Variants in PSME3 observed in about 807,000 individuals in gnomAD.
PSME3 encodes the protein proteasome activator subunit 3.
A neutral mutation model predicts 38.3 loss-of-function variants in PSME3; 7 were observed. The ratio of observed to expected loss-of-function variants is 0.18; its 90% CI spans 0.10 to 0.34. The LOEUF (loss-of-function observed/expected upper bound fraction) is 0.34, where lower values mean the gene tolerates loss of function less well. Among genes scored for constraint, PSME3 ranks in the 10% least tolerant of loss-of-function variants. PSME3 has a pLI of 1.00. For synonymous variants in PSME3, 108 were observed against 105.7 expected (o/e 1.02, Z -0.13); for missense variants, 192 against 307.6 (o/e 0.62, Z 2.81).
At chr17:42,837,966 G>A in intron 5 of PSME3, 127 bp from the exon 6 acceptor site, 1 of 1,030,578 alleles carries the variant, frequency 9.7e-7, no homozygotes, top group Non-Finnish European at 1.5e-6. Context: ...TAATAGTGGT[G>A]TCATGGTAGG....
At chr17:42,834,408 G>A in intron 2 of PSME3, 32 bp downstream of exon 2, 1 of 1,611,694 alleles carries the variant, frequency 6.2e-7, no homozygotes, top group Non-Finnish European at 8.5e-7. Context: ...ATGGTTGTTG[G>A]TTGAGAATTT....
chr17:42,833,415 G>T lies in PSME3; in HGVS notation c.-217G>T. 1 of 605,526 alleles carries T rather than the reference G, an allele frequency of 1.7e-6. No homozygotes were observed. Among genetic ancestry groups the T allele is most frequent in the Non-Finnish European group, 2.9e-6 (1 of 341,862 alleles). The allele number at this position is 605,526 out of a possible 1,614,324, so 37.5% of individuals were successfully genotyped here. On this transcript the variant is annotated 5_prime_UTR_variant, in exon 1 of 11. Coordinates refer to ENST00000590720, the MANE Select transcript of PSME3 (RefSeq NM_005789.4). ...CTGTGACGCAGTTTCCGGCGTGAGC[G>T]GCGAAAGCCGGGAGGGCGAGCGAGA...
intron 4 of PSME3, among the ~76,000 whole-genome samples, 160 bp from the exon 5 acceptor site, chr17:42,837,489 A>G (rs527664632): frequency 5.3e-5 from 8 of 152,172 alleles, no homozygotes; most frequent in Middle Eastern, 3.2e-3. Context: ...CTTGCCTCCA[A>G]TAACCTTTCT....
In PSME3 at chr17:42,834,755, G is replaced by C. The variant is rs769790635; in HGVS notation, c.139-17G>C. ...TCAGCTTGAAAAGATTAATGTTTTG[G>C]GGTGGGTGTCTTTCAGGAACCAATC... On this transcript the variant is annotated splice_polypyrimidine_tract_variant and intron_variant, in intron 3 of 10. Transcript: ENST00000590720. 6 of 1,613,174 alleles carry C rather than the reference G, an allele frequency of 3.7e-6. No homozygotes were observed. The Admixed American group carries it at 5.0e-5, about 13-fold the overall frequency.
chr17:42,834,437 G>GGAAAGAGA, intron 2 of PSME3, 61 bp downstream of exon 2: 1 of 1,535,608 alleles, frequency 6.5e-7, no homozygotes, highest in Non-Finnish European at 8.9e-7. Flanking sequence ...GGAGATACCT[G>GGAAAGAGA]GAGAGAGAGA....
rs1448518497 is a variant in PSME3, at chr17:42,838,717, GT to G, written c.406-10del. 6.2e-7 allele frequency: 1 copy of G among 1,611,216 alleles called. No individual in the cohort carries two copies. Among genetic ancestry groups the G allele is most frequent in the African/African-American group, 1.3e-5 (1 of 74,956 alleles). On this transcript the variant is annotated splice_polypyrimidine_tract_variant and intron_variant, in intron 6 of 10. Coordinates refer to ENST00000590720, the MANE Select transcript of PSME3 (RefSeq NM_005789.4). Reference sequence around the variant, plus strand: ...CCTTCAGGCAAAGGTCCTCATATATGTTTTGACCTCCAGGTCAAAATGTGGG... The same window carrying G: ...CCTTCAGGCAAAGGTCCTCATATATGTTTGACCTCCAGGTCAAAATGTGGG...
chr17:42,836,299 T>C (rs1017954818), intron 4 of PSME3, among the ~76,000 whole-genome samples: 3 of 151,720 alleles, frequency 2.0e-5, no homozygotes, highest in African/African-American at 7.3e-5. Context: ...GCCATCGTGC[T>C]CGGCCGGCAG....
chr17:42,833,455 C>G lies in PSME3; in HGVS notation c.-177C>G. 1.4e-6 allele frequency: 1 copy of G among 694,594 alleles called. No homozygotes were observed. The highest frequency in any genetic ancestry group is 2.8e-5 in the East Asian group (1 of 36,190). The allele number at this position is 694,594 out of a possible 1,614,324, so 43.0% of individuals were successfully genotyped here. On this transcript the variant is annotated 5_prime_UTR_variant, in exon 1 of 11. Coordinates refer to ENST00000590720, the MANE Select transcript of PSME3 (RefSeq NM_005789.4). ...GGCGAGCGAGAGAGCAAGCAGGCAG[C>G]AGGCTGCCGGCGGGCGGGCGGACGG...
chr17:42,841,414 G>A, intron 10 of PSME3, 84 bp from the exon 11 acceptor site: 1 of 744,166 alleles, frequency 1.3e-6, no homozygotes, highest in South Asian at 2.2e-5. Context: ...ATGATTGCTT[G>A]GGGATTTGTG....
At position 42,841,495 on chromosome 17, in the gene PSME3, C is replaced by T; in HGVS notation, c.685-3C>T. 6.3e-7 allele frequency: 1 copy of T among 1,589,510 alleles called. No homozygotes were observed. The highest frequency in any genetic ancestry group is 8.6e-7 in the Non-Finnish European group (1 of 1,161,388). ...GTGATTCCCCTGATCCCTCTTCTCT[C>T]AGGTCACTCTACATGACATGATCCT... On this transcript the variant is annotated splice_polypyrimidine_tract_variant and splice_region_variant and intron_variant, in intron 10 of 10. Transcript: ENST00000590720.
chr17:42,838,238 C>CTATGGGGGA, intron 6 of PSME3, 33 bp downstream of exon 6: 1 of 1,612,312 alleles, frequency 6.2e-7, no homozygotes, highest in Non-Finnish European at 8.5e-7. Context: ...ATGGGCCGGC[C>CTATGGGGGA]CCAAGTACCC....
chr17:42,839,260 T>C (rs1216162159), intron 9 of PSME3, 34 bp from the exon 10 acceptor site: 1 of 1,590,550 alleles, frequency 6.3e-7, no homozygotes, highest in Non-Finnish European at 8.6e-7. Context: ...AATTGGGCTT[T>C]GGGGACTAGC....
intron 1 of PSME3, 57 bp downstream of exon 1, chr17:42,833,730 C>G (rs771404806): frequency 1.2e-6 from 2 of 1,614,096 alleles, no homozygotes; most frequent in Non-Finnish European, 1.7e-6. Context: ...GCAGTCTGAC[C>G]GGCTTCCTAC....
intron 4 of PSME3, among the ~76,000 whole-genome samples, chr17:42,836,247 C>T (rs577822863): frequency 3.3e-5 from 5 of 152,030 alleles, no homozygotes; most frequent in East Asian, 3.9e-4. Context: ...TCAGGTGATC[C>T]GCCCGCCTCA....
At position 42,833,929 on chromosome 17, in the gene PSME3, C is replaced by T. The variant is rs113350146; in HGVS notation, c.42+256C>T. On this transcript the variant is annotated intron_variant, in intron 1 of 10. Transcript: ENST00000590720. ...CGTGTTGGACTCAGGGCTTTAGGCC[C>T]GTGACAGCTGGTAATCCCCCAGCCC... 3.5e-5 allele frequency: 51 copies of T among 1,441,154 alleles called. 3 individuals are homozygous for T. Among genetic ancestry groups the T allele is most frequent in the Middle Eastern group, 4.0e-4 (2 of 4,986 alleles). 89.3% of individuals were successfully genotyped at this position (1,441,154 alleles called of 1,614,324 possible). A position where few individuals can be genotyped will look rare whatever the true frequency, so the allele number is the denominator to read the frequency against.
At chr17:42,834,600 C>G in intron 3 of PSME3, 23 bp downstream of exon 3, 1 of 1,612,412 alleles carries the variant, frequency 6.2e-7, no homozygotes, top group Non-Finnish European at 8.5e-7. Context: ...ATTCTTTCCT[C>G]AAATTCCCCA....
Position 42,841,670 on chromosome 17 carries a change from C to A in PSME3, c.*92C>A. On this transcript the variant is annotated 3_prime_UTR_variant, in exon 11 of 11. Coordinates refer to ENST00000590720, the MANE Select transcript of PSME3 (RefSeq NM_005789.4). Reference sequence around the variant, plus strand: ...ATGACTATCGTGATGGGGAAACTGGCTGGAAATAGTAATCACACCTCTCTG... The same window carrying A: ...ATGACTATCGTGATGGGGAAACTGGATGGAAATAGTAATCACACCTCTCTG... The A allele has an allele frequency of 2.5e-6, 2 of 798,722 alleles. No individual in the cohort carries two copies. The highest frequency in any genetic ancestry group is 3.8e-6 in the Non-Finnish European group (2 of 520,170). 49.5% of individuals were successfully genotyped at this position (798,722 alleles called of 1,614,324 possible). A position where few individuals can be genotyped will look rare whatever the true frequency, so the allele number is the denominator to read the frequency against.
Position 42,834,777 on chromosome 17 carries a change from A to G in PSME3, c.144A>G (p.Pro48=). Residue 48 remains proline, a synonymous_variant, in exon 4 of 11, where the codon CCA becomes CCG. Coordinates refer to ENST00000590720, the MANE Select transcript of PSME3 (RefSeq NM_005789.4). ...TTGGGGTGGGTGTCTTTCAGGAACC[A>G]ATCTTAAACATCCATGACCTAACTC... ...LLELDSFLKE[P]ILNIHDLTQI... 6.2e-7 allele frequency: 1 copy of G among 1,614,036 alleles called. No homozygotes were observed. Among genetic ancestry groups the G allele is most frequent in the South Asian group, 1.1e-5 (1 of 91,028 alleles).
chr17:42,837,877 T>A, intron 5 of PSME3, 180 bp downstream of exon 5: 3 of 873,992 alleles, frequency 3.4e-6, no homozygotes, highest in Non-Finnish European at 5.3e-6. Flanking sequence ...GGTTTTCCAA[T>A]AAACAGAGGA....
Sources: gnomAD v4.1 joint callset for allele counts (sites outside exome capture counted in the v4.1 genomes callset) on GRCh38, gnomAD v4.1.1 for gene constraint, MANE v1.5 for transcripts, NCBI Gene and HGNC (gene_info 2026-07-23, HGNC 2026-07-21) for gene names.